The following JMJD1C variants were observed in gnomAD, a reference collection of about 807,000 sequenced individuals.
The protein encoded by JMJD1C is jumonji domain containing 1C, also known as jumonji domain-containing protein 1C.
JMJD1C carries 31 observed loss-of-function variants against 245.3 expected under a neutral mutation model. That is an observed-to-expected ratio of 0.13 (90% confidence interval 0.09 to 0.17). The LOEUF (loss-of-function observed/expected upper bound fraction) is 0.17, where lower values mean the gene tolerates loss of function less well. Among genes scored for constraint, JMJD1C ranks in the 10% least tolerant of loss-of-function variants. JMJD1C has a pLI of 1.00. For missense variants in JMJD1C, 2,691 were observed against 3,000.2 expected (o/e 0.90, Z 2.41); for synonymous variants, 1,057 against 1,017.4 (o/e 1.04, Z -0.74).
intron 2 of JMJD1C, among the ~76,000 whole-genome samples, chr10:63,323,237 G>C (rs1941114579): frequency 6.6e-6 from 1 of 152,112 alleles, no homozygotes; most frequent in Admixed American, 6.6e-5. Flanking sequence ...AGAAACAACA[G>C]TGGTGCCGGG....
intron 22 of JMJD1C, among the ~76,000 whole-genome samples, chr10:63,183,111 T>C (rs1434561761): frequency 6.6e-6 from 1 of 152,204 alleles, no homozygotes; most frequent in Non-Finnish European, 1.5e-5. Context: ...TTCACCTGCC[T>C]TGGCCTCCCA....
chr10:63,220,476 C>A (rs748278557), intron 3 of JMJD1C, among the ~76,000 whole-genome samples: 1 of 152,194 alleles, frequency 6.6e-6, no homozygotes, highest in East Asian at 1.9e-4. Flanking sequence ...GTTCTACTCA[C>A]AGTCATCTGA....
chr10:63,216,850 TGAAAAG>T (rs1322635174), intron 5 of JMJD1C, among the ~76,000 whole-genome samples: 1 of 152,176 alleles, frequency 6.6e-6, no homozygotes, highest in African/African-American at 2.4e-5. Flanking sequence ...TTTTCACTGA[TGAAAAG>T]AAATGATTTC....
At chr10:63,242,906 T>C (rs1034566658) in intron 3 of JMJD1C, among the ~76,000 whole-genome samples, 2 of 151,822 alleles carry the variant, frequency 1.3e-5, no homozygotes, top group Admixed American at 1.3e-4. Flanking sequence ...ATGGCAATGA[T>C]ATCATACCTA....
In JMJD1C at chr10:63,335,030, AT is replaced by A. The variant is rs199967792; in HGVS notation, c.333+45287del. On this transcript the variant is annotated intron_variant, in intron 2 of 25. Coordinates refer to ENST00000399262, the MANE Select transcript of JMJD1C (RefSeq NM_032776.3). ...GCCAAGACTCTGTCTTTGGAAAAAA[AT>A]AAAAAAAAAAAAAAATATTGTTCCT... is the stretch of plus-strand genomic sequence containing the variant. Among the ~76,000 whole-genome samples, 22 of 144,746 alleles carry A rather than the reference AT, an allele frequency of 1.5e-4. 1 individual carries two copies. In the East Asian group the frequency reaches 2.0e-3, roughly 13 times the overall value. The allele number at this position is 144,746 out of a possible 152,430, so 95.0% of individuals were successfully genotyped here.
intron 1 of JMJD1C, among the ~76,000 whole-genome samples, chr10:63,485,660 C>T (rs533583913): frequency 2.0e-5 from 3 of 152,288 alleles, no homozygotes; most frequent in East Asian, 3.9e-4. Context: ...TGTTTCATTT[C>T]CAGGACTGGG....
At chr10:63,323,615 A>C (rs971428356) in intron 2 of JMJD1C, among the ~76,000 whole-genome samples, 1 of 152,244 alleles carries the variant, frequency 6.6e-6, no homozygotes, top group African/African-American at 2.4e-5. Flanking sequence ...CATACTGATA[A>C]GAGCACAATA....
In JMJD1C at chr10:63,209,089, T is replaced by C. The variant is rs763180095; in HGVS notation, c.2841A>G (p.Thr947=). The change falls in exon 9 of 26, where the codon ACA becomes ACG. Residue 947 remains threonine (T), a synonymous_variant. Transcript: ENST00000399262. ...KITAHSSPPL[T]KTLVDHHKEE... is the part of the protein sequence containing the mutation. ...CCTTATGATGATCTACTAAAGTTTT[T>C]GTCAATGGTGGACTGGAATGGGCTG... 1 of 1,613,520 alleles carries C rather than the reference T, an allele frequency of 6.2e-7. No homozygotes were observed. The highest frequency in any genetic ancestry group is 2.2e-5 in the East Asian group (1 of 44,874).
intron 2 of JMJD1C, among the ~76,000 whole-genome samples, chr10:63,311,698 GT>G (rs1464553647): frequency 6.6e-6 from 1 of 152,134 alleles, no homozygotes; most frequent in Non-Finnish European, 1.5e-5. Context: ...ATGAATACAT[GT>G]TGTTTATGAA....
At chr10:63,243,241 A>G (rs566091969) in intron 3 of JMJD1C, among the ~76,000 whole-genome samples, 311 of 151,610 alleles carry the variant, frequency 2.1e-3, no homozygotes, top group South Asian at 4.4e-3. Context: ...AATTTGATTA[A>G]TTTGGCCAGG....
chr10:63,184,375 TG>T (rs1564565452), intron 21 of JMJD1C, among the ~76,000 whole-genome samples: 1 of 152,006 alleles, frequency 6.6e-6, no homozygotes, highest in Admixed American at 6.6e-5. Context: ...CCTGAGTAGC[TG>T]GGACTATAGG....
chr10:63,240,232 T>C (rs1308668965), intron 3 of JMJD1C, among the ~76,000 whole-genome samples: 1 of 151,582 alleles, frequency 6.6e-6, no homozygotes, highest in East Asian at 1.9e-4. Flanking sequence ...GGGTGAGTAG[T>C]GAAATGGAAA....
chr10:63,178,299 A>C (rs1843056513), intron 22 of JMJD1C, among the ~76,000 whole-genome samples: 1 of 152,212 alleles, frequency 6.6e-6, no homozygotes, highest in African/African-American at 2.4e-5. Flanking sequence ...TTTTAGGACT[A>C]CAAGAATAGA....
intron 3 of JMJD1C, among the ~76,000 whole-genome samples, chr10:63,250,961 T>C (rs1378512443): frequency 6.6e-6 from 1 of 152,114 alleles, no homozygotes; most frequent in Non-Finnish European, 1.5e-5. Context: ...CAGGCTAATA[T>C]CAAACTCCTA....
At chr10:63,421,574 A>G (rs1368494793) in intron 1 of JMJD1C, among the ~76,000 whole-genome samples, 1 of 152,082 alleles carries the variant, frequency 6.6e-6, no homozygotes, top group Non-Finnish European at 1.5e-5. Context: ...ACTTTTTGTT[A>G]TTATTTTGAA....
At chr10:63,506,666 T>C (rs1439751640) in intron 1 of JMJD1C, among the ~76,000 whole-genome samples, 4 of 151,914 alleles carry the variant, frequency 2.6e-5, no homozygotes, top group Non-Finnish European at 1.5e-5. Flanking sequence ...AAGTACAGAG[T>C]TCCCATTTAC....
intron 1 of JMJD1C, among the ~76,000 whole-genome samples, chr10:63,413,478 T>C (rs1276001285): frequency 1.3e-5 from 2 of 152,170 alleles, no homozygotes; most frequent in African/African-American, 2.4e-5. Flanking sequence ...TAATCTCATA[T>C]TGGAGGAAAA....
At chr10:63,231,641 T>G (rs185445842) in intron 3 of JMJD1C, among the ~76,000 whole-genome samples, 2 of 151,726 alleles carry the variant, frequency 1.3e-5, no homozygotes, top group African/African-American at 4.8e-5. Context: ...TAAAAACACA[T>G]AAATTAGTTG....
intron 3 of JMJD1C, among the ~76,000 whole-genome samples, chr10:63,253,296 T>A (rs1222779795): frequency 3.3e-5 from 5 of 152,058 alleles, no homozygotes; most frequent in Non-Finnish European, 7.4e-5. Flanking sequence ...GGAAGAGCAC[T>A]CAATGTGGAA....
Sources: gnomAD v4.1 joint callset for allele counts (sites outside exome capture counted in the v4.1 genomes callset) on GRCh38, gnomAD v4.1.1 for gene constraint, MANE v1.5 for transcripts, NCBI Gene and HGNC (gene_info 2026-07-23, HGNC 2026-07-21) for gene names.